The following ZBTB7C variants were observed in gnomAD, a reference collection of about 807,000 sequenced individuals.
ZBTB7C encodes the protein zinc finger and BTB domain-containing protein 7C.
Under a neutral mutation model 25.7 loss-of-function variants are expected in ZBTB7C, and 8 were observed. That is an observed-to-expected ratio of 0.31 (90% CI 0.18 to 0.56). The LOEUF (loss-of-function observed/expected upper bound fraction) is 0.56. Ranked by LOEUF, ZBTB7C falls within the 20% of genes least tolerant of loss-of-function variation. The pLI, the probability that ZBTB7C is intolerant of heterozygous loss-of-function variation, is 0.91. For synonymous variants in ZBTB7C, 394 were observed against 369.0 expected (o/e 1.07, Z -0.78); for missense variants, 824 against 855.2 (o/e 0.96, Z 0.46).
At chr18:48,210,457 C>A (rs1280966483) in intron 2 of ZBTB7C, among the ~76,000 whole-genome samples, 1 of 152,174 alleles carries the variant, frequency 6.6e-6, no homozygotes, top group Non-Finnish European at 1.5e-5. Context: ...AGTATATCCA[C>A]ACAGTGAAAC....
chr18:48,086,370 T>C (rs2038191085), intron 3 of ZBTB7C, among the ~76,000 whole-genome samples: 1 of 152,214 alleles, frequency 6.6e-6, no homozygotes, highest in African/African-American at 2.4e-5. Flanking sequence ...AGCTAGGAGA[T>C]GGTAGAGTTG....
intron 3 of ZBTB7C, among the ~76,000 whole-genome samples, chr18:48,047,793 C>T (rs1311803564): frequency 6.6e-6 from 1 of 152,190 alleles, no homozygotes; most frequent in Non-Finnish European, 1.5e-5. Flanking sequence ...TATTGAATGC[C>T]ACTTGTCACG....
chr18:48,139,425 G>A (rs192535755), intron 3 of ZBTB7C, among the ~76,000 whole-genome samples: 24 of 152,226 alleles, frequency 1.6e-4, no homozygotes, highest in African/African-American at 5.3e-4. Context: ...GCACAGAGTT[G>A]AGGTGCCCAG....
chr18:48,289,655 G>T (rs2045163235), intron 2 of ZBTB7C, among the ~76,000 whole-genome samples: 2 of 151,536 alleles, frequency 1.3e-5, no homozygotes, highest in African/African-American at 4.9e-5. Flanking sequence ...TTAAGTGCTG[G>T]GGATACAACA....
rs1179141552 is a variant in ZBTB7C, at chr18:48,029,371, C to T, written c.1749G>A (p.Ala583=). Residue 583 remains alanine, a synonymous_variant, in exon 5 of 5, where the codon GCG becomes GCA. Coordinates refer to ENST00000590800, the MANE Select transcript of ZBTB7C (RefSeq NM_001318841.2). The part of the protein sequence containing the change: ...LLAFALAENV[A]AARPYFPLPD... The stretch of plus-strand genomic sequence containing the variant: ...GCAGCGGGAAGTAGGGCCGCGCCGC[C>T]GCCACGTTCTCGGCCAGCGCGAAGG... 3 of 1,551,764 alleles carry T rather than the reference C, an allele frequency of 1.9e-6. No individual in the cohort carries two copies. Among genetic ancestry groups the T allele is most frequent in the East Asian group, 2.4e-5 (1 of 41,358 alleles).
At chr18:48,214,938 G>A (rs1244447059) in intron 2 of ZBTB7C, among the ~76,000 whole-genome samples, 2 of 152,096 alleles carry the variant, frequency 1.3e-5, no homozygotes, top group Non-Finnish European at 2.9e-5. Flanking sequence ...CAATTCCTTC[G>A]GGTTTATATC....
At chr18:48,384,219 C>T (rs567154265) in intron 1 of ZBTB7C, among the ~76,000 whole-genome samples, 169 of 152,296 alleles carry the variant, frequency 1.1e-3, no homozygotes, top group Non-Finnish European at 1.4e-3. Context: ...AGGACAAGCC[C>T]CACCCACAGC....
At chr18:48,363,705 C>T (rs192209682) in intron 1 of ZBTB7C, among the ~76,000 whole-genome samples, 19 of 151,996 alleles carry the variant, frequency 1.3e-4, no homozygotes, top group Admixed American at 9.8e-4. Flanking sequence ...TTAGGGACAG[C>T]GTGGCCATTG....
At chr18:48,380,864 T>C (rs2047620673) in intron 1 of ZBTB7C, among the ~76,000 whole-genome samples, 1 of 152,206 alleles carries the variant, frequency 6.6e-6, no homozygotes, top group Non-Finnish European at 1.5e-5. Context: ...ACGAAAGCTC[T>C]CTGAACTACC....
intron 2 of ZBTB7C, among the ~76,000 whole-genome samples, chr18:48,284,813 AG>A (rs774745955): frequency 0.08 from 9,101 of 114,006 alleles, 352 homozygotes; most frequent in African/African-American, 0.12. Context: ...AAAAAAAAAC[AG>A]AGAGAGAGAG....
At chr18:48,391,769 T>C (rs1234702055) in intron 1 of ZBTB7C, among the ~76,000 whole-genome samples, 1 of 152,160 alleles carries the variant, frequency 6.6e-6, no homozygotes, top group Non-Finnish European at 1.5e-5. Context: ...GACCCCAAAA[T>C]GCACATCTCT....
chr18:48,370,498 G>C (rs1419383593), intron 1 of ZBTB7C, among the ~76,000 whole-genome samples: 1 of 152,138 alleles, frequency 6.6e-6, no homozygotes, highest in African/African-American at 2.4e-5. Flanking sequence ...TCTCCATCTT[G>C]ACTATATTTA....
At chr18:48,280,973 C>A (rs1462531809) in intron 2 of ZBTB7C, among the ~76,000 whole-genome samples, 1 of 151,598 alleles carries the variant, frequency 6.6e-6, no homozygotes, top group Non-Finnish European at 1.5e-5. Flanking sequence ...CCTGGCTCAG[C>A]CTCCCAAGTA....
chr18:48,165,223 G>A, intron 3 of ZBTB7C: 1 of 823,852 alleles, frequency 1.2e-6, no homozygotes, highest in South Asian at 1.4e-5. Context: ...AGAGCTCCCA[G>A]CCTCCTGTTG....
intron 1 of ZBTB7C, among the ~76,000 whole-genome samples, chr18:48,406,932 T>C (rs920290004): frequency 6.6e-6 from 1 of 152,250 alleles, no homozygotes; most frequent in African/African-American, 2.4e-5. Flanking sequence ...AATTCCTTCC[T>C]GCTCATACAC....
intron 2 of ZBTB7C, among the ~76,000 whole-genome samples, chr18:48,230,005 T>C (rs984751262): frequency 1.3e-5 from 2 of 152,162 alleles, no homozygotes; most frequent in Non-Finnish European, 2.9e-5. Flanking sequence ...GGCAAACAGG[T>C]GGGAGGGCCT....
intron 3 of ZBTB7C, among the ~76,000 whole-genome samples, chr18:48,070,616 A>C (rs2037507409): frequency 6.6e-6 from 1 of 152,192 alleles, no homozygotes; most frequent in Non-Finnish European, 1.5e-5. Context: ...AGTGCCAAGG[A>C]GGCCGTAGTT....
At chr18:48,050,480 C>T (rs917045227) in intron 3 of ZBTB7C, among the ~76,000 whole-genome samples, 4 of 152,310 alleles carry the variant, frequency 2.6e-5, no homozygotes, top group South Asian at 2.1e-4. Flanking sequence ...GCCTAGAGCC[C>T]GCAGTCCCCA....
At position 48,029,427 on chromosome 18, in the gene ZBTB7C, C is replaced by T. The variant is rs1358159579; in HGVS notation, c.1693G>A (p.Glu565Lys). Residue 565 changes from glutamate to lysine, a missense_variant, in exon 5 of 5, where the codon GAG becomes AAG. By Grantham distance (56) the Glu-to-Lys change is moderately conservative. This residue lies in a region of ZBTB7C where 342 missense variants were observed against 307.0 expected (regional missense o/e 1.11). Transcript: ENST00000590800. ...AGGCCCCCCGCGTTCCTCTCAGCCT[C>T]CAGCTGCGCGCGCCCGAACAGCTTC... ...QMKLFGRAQLEAERNAGGLLA... is the reference protein window; with the variant it reads ...QMKLFGRAQLKAERNAGGLLA... 2 of 1,587,418 alleles carry T rather than the reference C, an allele frequency of 1.3e-6. No individual in the cohort carries two copies. Among genetic ancestry groups the T allele is most frequent in the East Asian group, 2.3e-5 (1 of 43,314 alleles).
Sources: gnomAD v4.1 joint callset for allele counts (sites outside exome capture counted in the v4.1 genomes callset) on GRCh38, gnomAD v4.1.1 for gene constraint, gnomAD v4.1.1 regional missense constraint, MANE v1.5 for transcripts, NCBI Gene and HGNC (gene_info 2026-07-23, HGNC 2026-07-21) for gene names.